The following CSMD1 variants were observed in gnomAD, a reference collection of about 807,000 sequenced individuals.
CSMD1 encodes the protein CUB and Sushi multiple domains 1.
In CSMD1, 213 loss-of-function variants were observed where a neutral mutation model predicts 417.5. The observed-to-expected ratio is 0.51, with a 90% CI of 0.46 to 0.57. The LOEUF is 0.57. Among genes scored for constraint, CSMD1 ranks in the 20% least tolerant of loss-of-function variants. CSMD1 has a pLI of 0.00. For missense variants in CSMD1, 6,923 were observed against 4,529.7 expected (o/e 1.53, Z -15.17); for synonymous variants, 2,862 against 1,736.8 (o/e 1.65, Z -16.11).
intron 3 of CSMD1, among the ~76,000 whole-genome samples, chr8:4,406,581 G>C (rs1370750259): frequency 6.6e-6 from 1 of 152,114 alleles, no homozygotes; most frequent in East Asian, 1.9e-4. Context: ...ATGAGCTTCT[G>C]AGACAGATAA....
intron 10 of CSMD1, among the ~76,000 whole-genome samples, chr8:3,549,166 G>T (rs1423073909): frequency 1.3e-5 from 2 of 152,180 alleles, no homozygotes; most frequent in Non-Finnish European, 2.9e-5. Flanking sequence ...GCAAACTACA[G>T]CTCACGGTCC....
chr8:4,645,764 G>A (rs1228980645), intron 1 of CSMD1, among the ~76,000 whole-genome samples: 1 of 152,156 alleles, frequency 6.6e-6, no homozygotes, highest in African/African-American at 2.4e-5. Context: ...AAGATGATGA[G>A]TGGGATTTGC....
chr8:3,821,152 A>G (rs1309717409), intron 5 of CSMD1, among the ~76,000 whole-genome samples: 2 of 152,092 alleles, frequency 1.3e-5, no homozygotes, highest in African/African-American at 4.8e-5. Context: ...TCCTGACCTC[A>G]GGTGATCCAC....
intron 4 of CSMD1, among the ~76,000 whole-genome samples, chr8:4,016,066 C>T (rs534900567): frequency 6.6e-6 from 1 of 152,242 alleles, no homozygotes; most frequent in South Asian, 2.1e-4. Flanking sequence ...GATTCCATAT[C>T]TGGAAAATCT....
chr8:4,578,088 G>C (rs1456226668), intron 2 of CSMD1, among the ~76,000 whole-genome samples: 2 of 152,114 alleles, frequency 1.3e-5, no homozygotes, highest in Non-Finnish European at 1.5e-5. Context: ...ACCCGAGTTA[G>C]CTCAGAGCTG....
chr8:3,938,952 A>C (rs1228829840), intron 5 of CSMD1, among the ~76,000 whole-genome samples: 4 of 152,196 alleles, frequency 2.6e-5, no homozygotes, highest in African/African-American at 9.6e-5. Flanking sequence ...AGTTCTTAAA[A>C]ATAATATTCA....
rs1272206700 is a variant in CSMD1 at position 4,137,772 on chromosome 8, G to C, written c.416-105673C>G. 3.9e-5 allele frequency among the ~76,000 whole-genome samples: 3 copies of C among 77,580 alleles called. No individual in the cohort carries two copies. The East Asian group carries it at 7.6e-4, about 20-fold the overall frequency. The allele number at this position is 77,580 out of a possible 152,430, so 50.9% of individuals were successfully genotyped here. On this transcript the variant is annotated intron_variant, in intron 3 of 69. Coordinates refer to ENST00000635120, the MANE Select transcript of CSMD1 (RefSeq NM_033225.6). ...AATTACACTTTCCTAAATTTCTCAA[G>C]GAAAATCTAAGCCTTATAATCCAAA...
intron 12 of CSMD1, among the ~76,000 whole-genome samples, chr8:3,425,211 T>C (rs1460375484): frequency 1.3e-5 from 2 of 152,180 alleles, no homozygotes; most frequent in East Asian, 1.9e-4. Context: ...AGAGAAAGCA[T>C]AATACATATG....
chr8:3,508,820 G>A (rs1224915170), intron 10 of CSMD1, among the ~76,000 whole-genome samples: 1 of 152,284 alleles, frequency 6.6e-6, no homozygotes, highest in Admixed American at 6.5e-5. Context: ...ATTATGGAAA[G>A]AGACACATCA....
intron 10 of CSMD1, among the ~76,000 whole-genome samples, chr8:3,572,729 C>T (rs1232943135): frequency 6.6e-6 from 1 of 152,068 alleles, no homozygotes; most frequent in Non-Finnish European, 1.5e-5. Context: ...CATCTCAATC[C>T]CTTTAATATA....
intron 3 of CSMD1, among the ~76,000 whole-genome samples, chr8:4,102,603 T>C (rs1801362117): frequency 6.6e-6 from 1 of 152,198 alleles, no homozygotes; most frequent in Non-Finnish European, 1.5e-5. Context: ...ATGTAACTCA[T>C]GTCTACTCAA....
chr8:3,668,368 C>G (rs1446941924), intron 7 of CSMD1, among the ~76,000 whole-genome samples: 1 of 152,062 alleles, frequency 6.6e-6, no homozygotes, highest in Non-Finnish European at 1.5e-5. Flanking sequence ...GATGGAGTCC[C>G]CAGACCCAAA....
intron 2 of CSMD1, among the ~76,000 whole-genome samples, chr8:4,548,134 T>G (rs1459278050): frequency 6.6e-6 from 1 of 151,878 alleles, no homozygotes; most frequent in Admixed American, 6.6e-5. Flanking sequence ...TGATACTGTT[T>G]TGGATGGTAC....
chr8:3,709,957 C>T (rs1392416132), intron 6 of CSMD1, among the ~76,000 whole-genome samples: 1 of 151,508 alleles, frequency 6.6e-6, no homozygotes. Flanking sequence ...TGACCAACCC[C>T]CAACCCCCAC....
chr8:4,347,162 C>G (rs939552797), intron 3 of CSMD1, among the ~76,000 whole-genome samples: 1 of 152,040 alleles, frequency 6.6e-6, no homozygotes, highest in African/African-American at 2.4e-5. Flanking sequence ...CAACTGGGAT[C>G]GGTGTTCAAG....
chr8:3,837,279 A>T (rs1802774298), intron 5 of CSMD1, among the ~76,000 whole-genome samples: 1 of 152,196 alleles, frequency 6.6e-6, no homozygotes, highest in Non-Finnish European at 1.5e-5. Context: ...TATTAGATAG[A>T]TGAATCTCTT....
chr8:4,360,075 T>A (rs1468258092), intron 3 of CSMD1, among the ~76,000 whole-genome samples: 1 of 152,174 alleles, frequency 6.6e-6, no homozygotes, highest in African/African-American at 2.4e-5. Context: ...CCGCCTGGGA[T>A]CTCGGACAAG....
intron 3 of CSMD1, among the ~76,000 whole-genome samples, chr8:4,200,401 T>TA (rs1799577992): frequency 6.6e-6 from 1 of 152,142 alleles, no homozygotes. Context: ...AGAAAAAAAT[T>TA]AATGAAAATT....
intron 6 of CSMD1, among the ~76,000 whole-genome samples, chr8:3,734,595 C>G (rs918859773): frequency 6.6e-6 from 1 of 152,128 alleles, no homozygotes; most frequent in Non-Finnish European, 1.5e-5. Flanking sequence ...CCTATAATCC[C>G]AACTACTCGG....
Sources: allele counts gnomAD v4.1 joint callset (sites outside exome capture counted in the v4.1 genomes callset), GRCh38; gene constraint gnomAD v4.1.1; transcripts MANE v1.5; gene names NCBI Gene and HGNC (gene_info 2026-07-23, HGNC 2026-07-21).